Variants in ASTN2 observed in about 807,000 individuals in gnomAD.
ASTN2 encodes astrotactin-2.
ASTN2 carries 54 observed loss-of-function variants against 139.8 expected under a neutral mutation model. That is an observed-to-expected ratio of 0.39 (90% CI 0.31 to 0.48). The LOEUF is 0.48. Ranked by LOEUF, ASTN2 falls within the 20% of genes least tolerant of loss-of-function variation. ASTN2 has a pLI of 0.95. For synonymous variants in ASTN2, 756 were observed against 719.5 expected, an observed-to-expected ratio of 1.05 and a Z score of -0.81; for missense variants, 1,565 against 1,725.1, an observed-to-expected ratio of 0.91 and a Z score of 1.64.
At chr9:117,350,596 G>C (rs540493154) in intron 1 of ASTN2, among the ~76,000 whole-genome samples, 1 of 151,340 alleles carries the variant, frequency 6.6e-6, no homozygotes, top group Non-Finnish European at 1.5e-5. Context: ...AAAAAGAAAA[G>C]AAAAGAAAAA....
At chr9:116,507,682 T>C (rs935512814) in intron 19 of ASTN2, among the ~76,000 whole-genome samples, 2 of 152,156 alleles carry the variant, frequency 1.3e-5, no homozygotes, top group Non-Finnish European at 2.9e-5. Flanking sequence ...CTTATTGTTC[T>C]TGGCACCTTC....
In ASTN2 at chr9:117,347,046, C is replaced by T. The variant is rs140714758; in HGVS notation, c.443-55533G>A. ...GCTAAAGGGCATCCTGCTGCTTCTG[C>T]GGTGTGTGTTATCTGAGGTGGGATG... On this transcript the variant is annotated intron_variant, in intron 1 of 22. Transcript: ENST00000313400. Among the ~76,000 whole-genome samples the T allele has an allele frequency of 4.2e-4, 64 of 152,166 alleles. 1 individual carries two copies. In the East Asian group the frequency reaches 0.011, roughly 26 times the overall value.
At chr9:117,113,638 A>G (rs1337968195) in intron 4 of ASTN2, among the ~76,000 whole-genome samples, 2 of 151,722 alleles carry the variant, frequency 1.3e-5, no homozygotes, top group Non-Finnish European at 2.9e-5. Context: ...CCTGGGCAAC[A>G]AGAGCAAAAC....
intron 10 of ASTN2, among the ~76,000 whole-genome samples, chr9:116,958,977 C>T (rs895954790): frequency 7.2e-5 from 11 of 152,004 alleles, no homozygotes; most frequent in African/African-American, 2.7e-4. Context: ...TTGAGGGTGG[C>T]AAGAGTGAAG....
At chr9:116,790,810 G>T (rs1234008888) in intron 13 of ASTN2, among the ~76,000 whole-genome samples, 4 of 151,414 alleles carry the variant, frequency 2.6e-5, no homozygotes, top group Admixed American at 1.3e-4. Flanking sequence ...GAGTAGCTGG[G>T]ATTACAGGCA....
chr9:117,300,717 G>T (rs1007864022), intron 1 of ASTN2, among the ~76,000 whole-genome samples: 1 of 152,216 alleles, frequency 6.6e-6, no homozygotes, highest in African/African-American at 2.4e-5. Context: ...CTAGGTTTGG[G>T]AGGTCACCCG....
At chr9:117,039,553 A>G (rs1282600035) in intron 6 of ASTN2, among the ~76,000 whole-genome samples, 1 of 152,154 alleles carries the variant, frequency 6.6e-6, no homozygotes, top group Non-Finnish European at 1.5e-5. Context: ...CTGTGCAACA[A>G]ACCTGCATGT....
chr9:116,496,298 T>C (rs1418515236), intron 19 of ASTN2, among the ~76,000 whole-genome samples: 1 of 152,208 alleles, frequency 6.6e-6, no homozygotes, highest in Non-Finnish European at 1.5e-5. Flanking sequence ...TGAGTGAATG[T>C]ATCTGTTGTG....
intron 7 of ASTN2, among the ~76,000 whole-genome samples, 190 bp from the exon 8 acceptor site, chr9:116,976,975 A>G (rs2132527475): frequency 6.6e-6 from 1 of 152,232 alleles, no homozygotes; most frequent in Middle Eastern, 3.4e-3. Flanking sequence ...TCACTCATTT[A>G]TTCCTTCAAC....
chr9:116,819,854 T>C (rs1220954992), intron 12 of ASTN2, among the ~76,000 whole-genome samples: 1 of 152,206 alleles, frequency 6.6e-6, no homozygotes, highest in Non-Finnish European at 1.5e-5. Flanking sequence ...GCAGAAGTAA[T>C]GGCCATTGCA....
intron 3 of ASTN2, among the ~76,000 whole-genome samples, chr9:117,184,895 C>T (rs140905029): frequency 6.6e-6 from 1 of 152,218 alleles, no homozygotes; most frequent in East Asian, 1.9e-4. Context: ...TGTCAGGTGG[C>T]CTCTACACCA....
intron 5 of ASTN2, among the ~76,000 whole-genome samples, chr9:117,047,246 C>T (rs1284637970): frequency 2.6e-5 from 4 of 152,174 alleles, no homozygotes; most frequent in Admixed American, 2.6e-4. Flanking sequence ...GCCCCATATC[C>T]TCAGCGTGTC....
At chr9:116,757,653 G>A (rs1027635924) in intron 13 of ASTN2, among the ~76,000 whole-genome samples, 4 of 152,084 alleles carry the variant, frequency 2.6e-5, no homozygotes, top group South Asian at 2.1e-4. Context: ...AGGGCTCATC[G>A]TCTTATTACC....
At chr9:117,047,159 A>G (rs1322945502) in intron 5 of ASTN2, among the ~76,000 whole-genome samples, 2 of 152,212 alleles carry the variant, frequency 1.3e-5, no homozygotes, top group Admixed American at 1.3e-4. Flanking sequence ...GTCATCTGAC[A>G]AGTGCAAGTG....
At chr9:116,504,240 A>T (rs1170456173) in intron 19 of ASTN2, 1 of 152,218 alleles carries the variant, frequency 6.6e-6, no homozygotes, top group African/African-American at 2.4e-5. Flanking sequence ...ATACATGTTT[A>T]TGATGTCTAC....
At position 116,699,635 on chromosome 9, in the gene ASTN2, G is replaced by T. The variant is rs143186354; in HGVS notation, c.2806+26136C>A. The T allele has an allele frequency of 6.2e-7, 1 of 1,614,208 alleles. No individual in the cohort carries two copies. The highest frequency in any genetic ancestry group is 1.7e-5 in the Admixed American group (1 of 60,036). On this transcript the variant is annotated intron_variant, in intron 16 of 22. Transcript: ENST00000313400. This position sits in a 1 kb window ranked among gnomAD's most constrained non-coding sequence, Gnocchi z 4.2. ...CCCTAACTCCTAAGGGGCAGCTGCT[G>T]GTCTTGGACTGTTGGGATCATTGCA...
intron 10 of ASTN2, among the ~76,000 whole-genome samples, chr9:116,973,305 C>CTATTAT (rs139529108): frequency 4.0e-5 from 6 of 151,056 alleles, no homozygotes; most frequent in South Asian, 4.2e-4. Flanking sequence ...ATGATATGAA[C>CTATTAT]TATTATTATT....
chr9:117,096,211 C>T, intron 4 of ASTN2, 60 bp from the exon 5 acceptor site: 1 of 1,363,042 alleles, frequency 7.3e-7, no homozygotes, highest in Non-Finnish European at 1.0e-6. Context: ...TGTGAGATTC[C>T]TCAACCATCC....
At chr9:116,929,449 G>A (rs1834841922) in intron 10 of ASTN2, among the ~76,000 whole-genome samples, 1 of 152,076 alleles carries the variant, frequency 6.6e-6, no homozygotes, top group Non-Finnish European at 1.5e-5. Flanking sequence ...CTAAGGAGAG[G>A]CACTGAGACT....
Sources: gnomAD v4.1 joint callset for allele counts (sites outside exome capture counted in the v4.1 genomes callset) on GRCh38, gnomAD v4.1.1 for gene constraint, Gnocchi (gnomAD v3.1) non-coding constraint, MANE v1.5 for transcripts, NCBI Gene and HGNC (gene_info 2026-07-23, HGNC 2026-07-21) for gene names.